FBXW12: variants seen among roughly 807,000 people sequenced by gnomAD.
The protein encoded by FBXW12 is F-box and WD repeat domain containing 12.
A neutral mutation model predicts 55.3 loss-of-function variants in FBXW12; 43 were observed. The ratio of observed to expected loss-of-function variants is 0.78; its 90% confidence interval spans 0.61 to 1.00. The LOEUF (loss-of-function observed/expected upper bound fraction) is 1.00, where lower values mean the gene tolerates loss of function less well. FBXW12 is among the 50% of genes least tolerant of loss of function. The pLI is 0.00. For synonymous variants in FBXW12, 184 were observed against 203.8 expected (o/e 0.90, Z 0.83); for missense variants, 524 against 560.5 (o/e 0.93, Z 0.66).
At chr3:48,391,106 CAAA>C (rs587685327) in intron 10 of FBXW12, among the ~76,000 whole-genome samples, 2 of 82,906 alleles carry the variant, frequency 2.4e-5, no homozygotes, top group African/African-American at 9.0e-5. Context: ...CCTGTCTCTA[CAAA>C]AAAAAAAAAA....
intron 10 of FBXW12, among the ~76,000 whole-genome samples, chr3:48,392,768 A>G (rs187080271): frequency 1.9e-4 from 29 of 152,282 alleles, no homozygotes; most frequent in African/African-American, 6.7e-4. Flanking sequence ...TCAAATCTCT[A>G]TATCTCTCTA....
At chr3:48,375,300 G>A (rs1416317048) in intron 4 of FBXW12, 54 bp from the exon 5 acceptor site, 1 of 1,038,850 alleles carries the variant, frequency 9.6e-7, no homozygotes, top group Non-Finnish European at 1.5e-6. Context: ...TCTTCTTTTG[G>A]TTTGGATCAT....
At chr3:48,381,911 C>T (rs764516728) in intron 9 of FBXW12, 33 bp downstream of exon 9, 6 of 1,611,050 alleles carry the variant, frequency 3.7e-6, no homozygotes, top group Admixed American at 1.7e-5. Context: ...GCTTTTTGAT[C>T]TGACTTTGAC....
Position 48,377,131 on chromosome 3 carries a change from T to C in FBXW12, c.406-1186T>C, listed in dbSNP as rs1024593363. Among the ~76,000 whole-genome samples, 4 of 152,156 alleles carry C rather than the reference T, an allele frequency of 2.6e-5. 1 individual carries two copies. In the East Asian group the frequency reaches 5.8e-4, roughly 22 times the overall value. ...TTGGGAGATGGTGGATATATTTTCA[T>C]GTAGGGGGAAACTGAATCACTGGAG... On this transcript the variant is annotated intron_variant, in intron 5 of 10. Coordinates refer to ENST00000296438, the MANE Select transcript of FBXW12 (RefSeq NM_207102.2).
chr3:48,373,781 G>A (rs2036640076), intron 4 of FBXW12, 76 bp downstream of exon 4: 2 of 1,381,116 alleles, frequency 1.4e-6, no homozygotes, highest in Admixed American at 1.9e-5. Flanking sequence ...TTTGCTGTGT[G>A]CAGTTGTGTA....
At position 48,381,647 on chromosome 3, in the gene FBXW12, C is replaced by A. The variant is rs1015511980; in HGVS notation, c.986-53C>A. On this transcript the variant is annotated intron_variant, in intron 8 of 10. Transcript: ENST00000296438. ...GGATATTATTATTCAATGACCTGAT[C>A]TTTACTTCCTTATGTGTGTGTGTAT... 6 of 1,484,402 alleles carry A rather than the reference C, an allele frequency of 4.0e-6. No individual in the cohort carries two copies. In the Admixed American group the frequency reaches 1.1e-4, roughly 28 times the overall value. The allele number at this position is 1,484,402 out of a possible 1,614,324, so 92.0% of individuals were successfully genotyped here.
intron 10 of FBXW12, among the ~76,000 whole-genome samples, chr3:48,387,712 C>T (rs1034262787): frequency 6.6e-6 from 1 of 152,030 alleles, no homozygotes; most frequent in Admixed American, 6.6e-5. Flanking sequence ...CCATGCCAGA[C>T]TATTTTTTAA....
intron 4 of FBXW12, among the ~76,000 whole-genome samples, chr3:48,374,971 C>T (rs566596165): frequency 6.6e-6 from 1 of 152,070 alleles, no homozygotes; most frequent in African/African-American, 2.4e-5. Flanking sequence ...GCATGTTGGC[C>T]AGGCCGGTCT....
chr3:48,381,664 T>C (rs961478789), intron 8 of FBXW12, 36 bp from the exon 9 acceptor site: 4 of 1,506,892 alleles, frequency 2.7e-6, no homozygotes, highest in African/African-American at 1.4e-5. Flanking sequence ...TCCTTATGTG[T>C]GTGTGTATAT....
At chr3:48,373,834 C>G (rs931111792) in intron 4 of FBXW12, 129 bp downstream of exon 4, 1 of 872,498 alleles carries the variant, frequency 1.1e-6, no homozygotes. Flanking sequence ...TTGAACCAGA[C>G]TGGGTTGCCG....
chr3:48,390,403 C>CCT (rs1314343638), intron 10 of FBXW12, among the ~76,000 whole-genome samples: 1 of 129,670 alleles, frequency 7.7e-6, no homozygotes, highest in African/African-American at 2.9e-5. Flanking sequence ...CCTAGGATTT[C>CCT]CTCTTTTTTT....
intron 4 of FBXW12, among the ~76,000 whole-genome samples, chr3:48,375,054 T>G (rs970542571): frequency 6.6e-6 from 1 of 152,138 alleles, no homozygotes; most frequent in African/African-American, 2.4e-5. Flanking sequence ...TGAACCACTG[T>G]GCCTGGACTT....
At chr3:48,388,961 G>A in intron 10 of FBXW12, among the ~76,000 whole-genome samples, 1 of 152,130 alleles carries the variant, frequency 6.6e-6, no homozygotes, top group Non-Finnish European at 1.5e-5. Flanking sequence ...TATTCCTCCT[G>A]AAGAACTGAA....
In FBXW12 at chr3:48,381,692, G is replaced by C. The variant is rs191304784; in HGVS notation, c.986-8G>C. On this transcript the variant is annotated splice_region_variant and splice_polypyrimidine_tract_variant and intron_variant, in intron 8 of 10. Coordinates refer to ENST00000296438, the MANE Select transcript of FBXW12 (RefSeq NM_207102.2). ...GTGTATATATATGTGCGTTTTACAT[G>C]AAAACAGCATATGAGATCGCAAGTT... The C allele has an allele frequency of 5.2e-6, 8 of 1,547,542 alleles. No individual in the cohort carries two copies. The Admixed American group carries it at 1.4e-4, about 27-fold the overall frequency.
intron 5 of FBXW12, among the ~76,000 whole-genome samples, chr3:48,377,898 G>A (rs1355993903): frequency 6.6e-6 from 1 of 152,116 alleles, no homozygotes; most frequent in Admixed American, 6.6e-5. Flanking sequence ...TAATGTACAA[G>A]GTTGAATAAC....
chr3:48,389,895 C>T (rs1357870117), intron 10 of FBXW12, among the ~76,000 whole-genome samples: 2 of 152,102 alleles, frequency 1.3e-5, no homozygotes, highest in East Asian at 1.9e-4. Context: ...AGTAGGGGTC[C>T]ACTTTCACTC....
intron 7 of FBXW12, chr3:48,379,929 A>G (rs1304788327): frequency 8.8e-6 from 2 of 227,560 alleles, no homozygotes; most frequent in Admixed American, 5.2e-5. Context: ...ATAGTGTGCT[A>G]TGCTGATAGG....
rs1210376392 is a variant in FBXW12, at chr3:48,379,882, A to C, written c.774+324A>C. 1.5e-5 allele frequency: 4 copies of C among 266,844 alleles called. No individual in the cohort carries two copies. In the East Asian group the frequency reaches 3.8e-4, roughly 25 times the overall value. 16.5% of individuals were successfully genotyped at this position (266,844 alleles called of 1,614,324 possible). A position where few individuals can be genotyped will look rare whatever the true frequency, so the allele number is the denominator to read the frequency against. ...ATAGTCCCACTTACTCAGAAGGCTGAGGCGGGAGGATCACGTGAGCCCAGG... is the reference window on the plus strand; with the variant it reads ...ATAGTCCCACTTACTCAGAAGGCTGCGGCGGGAGGATCACGTGAGCCCAGG... On this transcript the variant is annotated intron_variant, in intron 7 of 10. Coordinates refer to ENST00000296438, the MANE Select transcript of FBXW12 (RefSeq NM_207102.2).
chr3:48,393,582 T>C (rs1560036050), intron 10 of FBXW12, among the ~76,000 whole-genome samples: 2 of 152,124 alleles, frequency 1.3e-5, no homozygotes, highest in African/African-American at 2.4e-5. Flanking sequence ...TGATATTCAA[T>C]TGGAGTAGAG....
Sources: allele counts gnomAD v4.1 joint callset (sites outside exome capture counted in the v4.1 genomes callset), GRCh38; gene constraint gnomAD v4.1.1; transcripts MANE v1.5; gene names NCBI Gene and HGNC (gene_info 2026-07-23, HGNC 2026-07-21).